The following ZNF385B variants were observed in gnomAD, a reference collection of about 807,000 sequenced individuals.
The protein encoded by ZNF385B is zinc finger protein 533.
A neutral mutation model predicts 39.2 loss-of-function variants in ZNF385B; 23 were observed. That is an observed-to-expected ratio of 0.59 (90% CI 0.42 to 0.83). The LOEUF (loss-of-function observed/expected upper bound fraction) is 0.83. Among genes scored for constraint, ZNF385B ranks in the 40% least tolerant of loss-of-function variants. The pLI is 0.00. For synonymous variants in ZNF385B, 205 were observed against 222.6 expected (o/e 0.92, Z 0.70); for missense variants, 552 against 598.9 (o/e 0.92, Z 0.82).
chr2:179,675,566 G>T (rs966505831), intron 3 of ZNF385B, among the ~76,000 whole-genome samples: 15 of 152,144 alleles, frequency 9.9e-5, no homozygotes, highest in Admixed American at 9.2e-4. Flanking sequence ...GCAGCTTGAG[G>T]CTGAAGGCAG....
chr2:179,473,740 G>C (rs1002998049), intron 6 of ZNF385B, among the ~76,000 whole-genome samples: 1 of 151,948 alleles, frequency 6.6e-6, no homozygotes, highest in Admixed American at 6.6e-5. Context: ...GTGTGTTCTC[G>C]TTGTTGAACT....
At chr2:179,509,805 AG>A (rs1237521725) in intron 5 of ZNF385B, among the ~76,000 whole-genome samples, 2 of 152,250 alleles carry the variant, frequency 1.3e-5, no homozygotes, top group African/African-American at 4.8e-5. Flanking sequence ...ACTGCTGAAC[AG>A]CAGATGTAAA....
At chr2:179,840,679 T>C (rs1708490990) in intron 1 of ZNF385B, among the ~76,000 whole-genome samples, 1 of 152,188 alleles carries the variant, frequency 6.6e-6, no homozygotes, top group Admixed American at 6.5e-5. Context: ...TCCATTGATT[T>C]CTCTTGCTTC....
intron 3 of ZNF385B, among the ~76,000 whole-genome samples, chr2:179,628,504 G>C (rs1281302251): frequency 6.6e-6 from 1 of 152,192 alleles, no homozygotes; most frequent in Non-Finnish European, 1.5e-5. Context: ...GGTTTGAACA[G>C]ATACATGTCC....
In ZNF385B at chr2:179,589,567, C is replaced by A. The variant is rs115631081; in HGVS notation, c.299-44598G>T. 8.0e-3 allele frequency among the ~76,000 whole-genome samples: 1,218 copies of A among 152,294 alleles called. 15 individuals carry two copies. The highest frequency in any genetic ancestry group is 0.028 in the African/African-American group (1,177 of 41,548). On this transcript the variant is annotated intron_variant, in intron 3 of 9. Transcript: ENST00000410066. ...AGAGAAGGGGAAAGAAATGGTAGCTCTCTCTTACACCAGTAAAAGCCTAGA... is the reference window on the plus strand; with the variant it reads ...AGAGAAGGGGAAAGAAATGGTAGCTATCTCTTACACCAGTAAAAGCCTAGA...
chr2:179,828,148 T>C (rs945355550), intron 1 of ZNF385B, among the ~76,000 whole-genome samples: 6 of 152,204 alleles, frequency 3.9e-5, no homozygotes, highest in South Asian at 4.1e-4. Flanking sequence ...GAGGGTGTTA[T>C]AAATGATGCT....
intron 3 of ZNF385B, among the ~76,000 whole-genome samples, chr2:179,709,622 T>C (rs1699860045): frequency 6.6e-6 from 1 of 152,184 alleles, no homozygotes; most frequent in South Asian, 2.1e-4. Context: ...AAGATGACAC[T>C]GGGGACAATG....
At chr2:179,501,223 C>G (rs941072926) in intron 5 of ZNF385B, among the ~76,000 whole-genome samples, 9 of 152,182 alleles carry the variant, frequency 5.9e-5, no homozygotes, top group Admixed American at 5.2e-4. Flanking sequence ...CATGATCCAG[C>G]AATCCCATTG....
intron 1 of ZNF385B, among the ~76,000 whole-genome samples, chr2:179,841,659 A>G (rs1016668512): frequency 6.6e-6 from 1 of 152,130 alleles, no homozygotes; most frequent in Non-Finnish European, 1.5e-5. Context: ...CCCCATCCCC[A>G]GTTGTAACTA....
chr2:179,659,462 C>A (rs1432193247), intron 3 of ZNF385B, among the ~76,000 whole-genome samples: 1 of 151,948 alleles, frequency 6.6e-6, no homozygotes, highest in Non-Finnish European at 1.5e-5. Context: ...ATATCATCTT[C>A]TTTGAAAGGT....
At chr2:179,510,781 G>A (rs1282150245) in intron 5 of ZNF385B, among the ~76,000 whole-genome samples, 5 of 152,060 alleles carry the variant, frequency 3.3e-5, no homozygotes, top group Non-Finnish European at 5.9e-5. Context: ...AAGAGTTGGA[G>A]GAGAGAGAGA....
chr2:179,824,663 TTTTG>T (rs1282855504), intron 1 of ZNF385B, among the ~76,000 whole-genome samples: 2 of 152,182 alleles, frequency 1.3e-5, no homozygotes, highest in African/African-American at 4.8e-5. Flanking sequence ...TTTTGTTTAA[TTTTG>T]TTTTTGTTTT....
At chr2:179,678,167 T>C (rs757762157) in intron 3 of ZNF385B, among the ~76,000 whole-genome samples, 1 of 152,350 alleles carries the variant, frequency 6.6e-6, no homozygotes, top group Non-Finnish European at 1.5e-5. Context: ...GTGTTGGATA[T>C]ATGAGATACA....
intron 1 of ZNF385B, among the ~76,000 whole-genome samples, chr2:179,830,960 G>A (rs571729464): frequency 6.6e-6 from 1 of 152,176 alleles, no homozygotes; most frequent in South Asian, 2.1e-4. Context: ...GGAAAAGAGG[G>A]AGTACAGAAG....
chr2:179,724,333 T>C (rs559378141), intron 3 of ZNF385B, among the ~76,000 whole-genome samples: 44 of 151,994 alleles, frequency 2.9e-4, no homozygotes, highest in Admixed American at 1.4e-3. Flanking sequence ...AATAAATTAA[T>C]TAACAAAGGC....
At chr2:179,751,059 TAA>T (rs1559159656) in intron 3 of ZNF385B, among the ~76,000 whole-genome samples, 2 of 152,124 alleles carry the variant, frequency 1.3e-5, no homozygotes, top group African/African-American at 4.8e-5. Flanking sequence ...TGATATCTCT[TAA>T]AATGGAGATT....
At chr2:179,447,643 A>G (rs1037993353) in intron 6 of ZNF385B, among the ~76,000 whole-genome samples, 2 of 152,216 alleles carry the variant, frequency 1.3e-5, no homozygotes, top group East Asian at 3.8e-4. Flanking sequence ...TCCATCACAC[A>G]TTTAATCCTA....
intron 1 of ZNF385B, among the ~76,000 whole-genome samples, chr2:179,773,960 G>A (rs1002284627): frequency 7.9e-5 from 12 of 152,132 alleles, no homozygotes; most frequent in Non-Finnish European, 1.5e-4. Flanking sequence ...GTATTTGTGT[G>A]GGAGGGTTTA....
chr2:179,665,074 G>C (rs749519300), intron 3 of ZNF385B, among the ~76,000 whole-genome samples: 3 of 152,146 alleles, frequency 2.0e-5, no homozygotes, highest in Non-Finnish European at 2.9e-5. Flanking sequence ...CAAATTCCCA[G>C]GTTTCTTCTG....
Sources: allele counts gnomAD v4.1 joint callset (sites outside exome capture counted in the v4.1 genomes callset), GRCh38; gene constraint gnomAD v4.1.1; transcripts MANE v1.5; gene names NCBI Gene and HGNC (gene_info 2026-07-23, HGNC 2026-07-21).